The following STAT1 variants were observed in gnomAD, a reference collection of about 807,000 sequenced individuals.
The protein encoded by STAT1 is signal transducer and activator of transcription 1-alpha/beta.
STAT1 carries 24 observed loss-of-function variants against 111.7 expected under a neutral mutation model. The ratio of observed to expected loss-of-function variants is 0.21; its 90% CI spans 0.16 to 0.30. STAT1 has a LOEUF of 0.30. Ranked by LOEUF, STAT1 falls within the 10% of genes least tolerant of loss-of-function variation. The probability of loss-of-function intolerance (pLI) is 1.00; values close to 1 mark genes in which losing one functional copy is unlikely to be tolerated. For synonymous variants in STAT1, 332 were observed against 326.5 expected, an observed-to-expected ratio of 1.02 and a Z score of -0.18; for missense variants, 351 against 911.9, an observed-to-expected ratio of 0.38 and a Z score of 7.92.
intron 10 of STAT1, among the ~76,000 whole-genome samples, chr2:190,992,089 T>C (rs1052251441): frequency 3.9e-5 from 6 of 152,212 alleles, no homozygotes; most frequent in African/African-American, 7.2e-5. Context: ...TTTTGTTACA[T>C]AGTATGCAAC....
chr2:190,991,701 GTT>G (rs765208223), intron 10 of STAT1, among the ~76,000 whole-genome samples: 1 of 122,830 alleles, frequency 8.1e-6, no homozygotes. Flanking sequence ...TTTACAATTT[GTT>G]TTTTTTTTTT....
In STAT1 at chr2:191,007,558, A is replaced by C; in HGVS notation, c.372+5T>G. 6.2e-7 allele frequency: 1 copy of C among 1,605,160 alleles called. No individual in the cohort carries two copies. Among genetic ancestry groups the C allele is most frequent in the Non-Finnish European group, 8.5e-7 (1 of 1,172,248 alleles). ...CAGTTTATGTGTTCAATGAGAAAAA[A>C]GTACCTGATTAAATCTCTGGGCGTT... On this transcript the variant is annotated splice_donor_5th_base_variant and intron_variant, in intron 5 of 24. Transcript: ENST00000361099. This position sits in a 1 kb window ranked among gnomAD's most constrained non-coding sequence, Gnocchi z 4.2.
At position 190,973,296 on chromosome 2, in the gene STAT1, ATTC is replaced by A. The variant is rs1282869828; in HGVS notation, c.2238+1531_2238+1533del. 6.6e-6 allele frequency among the ~76,000 whole-genome samples: 1 copy of A among 152,204 alleles called. No individual in the cohort carries two copies. ...AGAGACTCACTAGGTAGATTCAAATATTCTTTCTACCATTTACTAACTGCTTGA... is the reference window on the plus strand; with the variant it reads ...AGAGACTCACTAGGTAGATTCAAATATTTCTACCATTTACTAACTGCTTGA... On this transcript the variant is annotated intron_variant, in intron 24 of 24. Coordinates refer to ENST00000361099, the MANE Select transcript of STAT1 (RefSeq NM_007315.4). The surrounding 1 kb of genome is among the most constrained non-coding windows in gnomAD (Gnocchi z 4.4).
rs1691627099 is a variant in STAT1 at position 190,973,061 on chromosome 2, T to G, written c.2238+1769A>C. Reference sequence around the variant, plus strand: ...AGAGAGGGAACCAATCCATCTATTTTCTCAATAATGGTGATGACAGAGATG... The same window carrying G: ...AGAGAGGGAACCAATCCATCTATTTGCTCAATAATGGTGATGACAGAGATG... On this transcript the variant is annotated intron_variant, in intron 24 of 24. Transcript: ENST00000361099. This position sits in a 1 kb window ranked among gnomAD's most constrained non-coding sequence, Gnocchi z 4.4. Among the ~76,000 whole-genome samples, 1 of 152,084 alleles carries G rather than the reference T, an allele frequency of 6.6e-6. No homozygotes were observed. Among genetic ancestry groups the G allele is most frequent in the Non-Finnish European group, 1.5e-5 (1 of 68,012 alleles).
Position 190,990,539 on chromosome 2 carries a change from T to C in STAT1, c.1037+689A>G, listed in dbSNP as rs1336408841. On this transcript the variant is annotated intron_variant, in intron 11 of 24. Transcript: ENST00000361099. The surrounding 1 kb of genome is among the most constrained non-coding windows in gnomAD (Gnocchi z 5.1). ...TACAATTAGTATCGAGGAGAAAGAC[T>C]ACAAAACAATGTATGTAGCCTACTC... 6.6e-6 allele frequency among the ~76,000 whole-genome samples: 1 copy of C among 152,224 alleles called. No individual in the cohort carries two copies. The highest frequency in any genetic ancestry group is 2.4e-5 in the African/African-American group (1 of 41,448).
chr2:190,984,462 A>G lies in STAT1; in HGVS notation c.1264-69T>C. ...AGATCCTAAAACTTTCAAAAGCCCA[A>G]TTAACATTGCAACAGGCCACAGAGA... On this transcript the variant is annotated intron_variant, in intron 15 of 24. Coordinates refer to ENST00000361099, the MANE Select transcript of STAT1 (RefSeq NM_007315.4). This position sits in a 1 kb window ranked among gnomAD's most constrained non-coding sequence, Gnocchi z 5.2. The G allele has an allele frequency of 1.4e-6, 2 of 1,379,470 alleles. No individual in the cohort carries two copies. The highest frequency in any genetic ancestry group is 2.0e-6 in the Non-Finnish European group (2 of 975,636). 85.5% of individuals were successfully genotyped at this position (1,379,470 alleles called of 1,614,324 possible).
intron 15 of STAT1, among the ~76,000 whole-genome samples, chr2:190,985,166 G>C (rs781398376): frequency 6.6e-6 from 1 of 152,198 alleles, no homozygotes; most frequent in Non-Finnish European, 1.5e-5. Context: ...TAAGGATCAC[G>C]CTGTAGGAAG....
rs1028090653 is a variant in STAT1 at position 190,970,618 on chromosome 2, C to A, written c.*85G>T. ...CCTTTCTTTCATTTCCCTAGAAACA[C>A]AGGATGTGAAGGAACAGAGTAGCAG... On this transcript the variant is annotated 3_prime_UTR_variant, in exon 25 of 25. Transcript: ENST00000361099. The surrounding 1 kb of genome is among the most constrained non-coding windows in gnomAD (Gnocchi z 5.4). The A allele has an allele frequency of 4.1e-6, 6 of 1,464,528 alleles. No individual in the cohort carries two copies. The African/African-American group carries it at 8.4e-5, about 20-fold the overall frequency. The allele number at this position is 1,464,528 out of a possible 1,614,324, so 90.7% of individuals were successfully genotyped here.
In STAT1 at chr2:190,974,066, T is replaced by G. The variant is rs576540689; in HGVS notation, c.2238+764A>C. On this transcript the variant is annotated intron_variant, in intron 24 of 24. Coordinates refer to ENST00000361099, the MANE Select transcript of STAT1 (RefSeq NM_007315.4). This position sits in a 1 kb window ranked among gnomAD's most constrained non-coding sequence, Gnocchi z 4.8. ...TATTTTTTGGAAGCATTAAATAAATTTTTAAAAATGAGCTGGAATAGCTCC... is the reference window on the plus strand; with the variant it reads ...TATTTTTTGGAAGCATTAAATAAATGTTTAAAAATGAGCTGGAATAGCTCC... Among the ~76,000 whole-genome samples the G allele has an allele frequency of 4.7e-4, 72 of 152,282 alleles. No individual in the cohort carries two copies. Among genetic ancestry groups the G allele is most frequent in the Middle Eastern group, 6.8e-3 (2 of 294 alleles).
Position 190,973,598 on chromosome 2 carries a change from G to C in STAT1, c.2238+1232C>G, listed in dbSNP as rs905182318. ...GTGATGTAACATATTTTCTGAATAG[G>C]GCTTTATATTTATTCCATTTTTGTG... On this transcript the variant is annotated intron_variant, in intron 24 of 24. Coordinates refer to ENST00000361099, the MANE Select transcript of STAT1 (RefSeq NM_007315.4). This position sits in a 1 kb window ranked among gnomAD's most constrained non-coding sequence, Gnocchi z 4.4. Among the ~76,000 whole-genome samples, 5 of 151,990 alleles carry C rather than the reference G, an allele frequency of 3.3e-5. No individual in the cohort carries two copies. In the South Asian group the frequency reaches 8.3e-4, roughly 25 times the overall value.
chr2:190,985,250 A>G (rs1041349277), intron 15 of STAT1, among the ~76,000 whole-genome samples: 8 of 152,234 alleles, frequency 5.3e-5, no homozygotes, highest in African/African-American at 1.9e-4. Flanking sequence ...ACAGCAAGGC[A>G]GTCATCAAAG....
rs1695305172 is a variant in STAT1 at position 191,013,568 on chromosome 2, G to A, written c.-45C>T. 1.5e-5 allele frequency: 6 copies of A among 398,460 alleles called. No homozygotes were observed. The highest frequency in any genetic ancestry group is 2.2e-5 in the Non-Finnish European group (5 of 226,062). The allele number at this position is 398,460 out of a possible 1,614,324, so 24.7% of individuals were successfully genotyped here. Reference sequence around the variant, plus strand: ...ACAAGGGCCTGGGGATTCAACCAAAGGAGCAGCTACGCACAGCACGTTAGG... The same window carrying A: ...ACAAGGGCCTGGGGATTCAACCAAAAGAGCAGCTACGCACAGCACGTTAGG... On this transcript the variant is annotated 5_prime_UTR_variant, in exon 2 of 25. Transcript: ENST00000361099.
rs939274543 is a variant in STAT1 at position 190,990,079 on chromosome 2, G to C, written c.1038-405C>G. Among the ~76,000 whole-genome samples the C allele has an allele frequency of 1.4e-4, 22 of 152,138 alleles. No individual in the cohort carries two copies. The highest frequency in any genetic ancestry group is 5.1e-4 in the African/African-American group (21 of 41,418). ...CTTGTATCTAATCTTTGTCCTGTTG[G>C]GAGACAATAAAAACTATTGCCCATA... is the stretch of plus-strand genomic sequence containing the variant. On this transcript the variant is annotated intron_variant, in intron 11 of 24. Transcript: ENST00000361099. This position sits in a 1 kb window ranked among gnomAD's most constrained non-coding sequence, Gnocchi z 5.1.
rs1266357262 is a variant in STAT1, at chr2:190,989,557, T to G, written c.1097+58A>C. 4 of 1,131,400 alleles carry G rather than the reference T, an allele frequency of 3.5e-6. No homozygotes were observed. The highest frequency in any genetic ancestry group is 5.2e-6 in the Non-Finnish European group (4 of 771,142). The allele number at this position is 1,131,400 out of a possible 1,614,324, so 70.1% of individuals were successfully genotyped here. A position where few individuals can be genotyped will look rare whatever the true frequency, so the allele number is the denominator to read the frequency against. ...TTTAGTGGAGGAATCTGTGCTTGAG[T>G]AACAAAATCAACATTTCAATAGTAC... On this transcript the variant is annotated intron_variant, in intron 12 of 24. Coordinates refer to ENST00000361099, the MANE Select transcript of STAT1 (RefSeq NM_007315.4). This position sits in a 1 kb window ranked among gnomAD's most constrained non-coding sequence, Gnocchi z 5.0.
chr2:190,985,602 C>G lies in STAT1; in HGVS notation c.1263+17G>C, dbSNP rs1405470571. The G allele has an allele frequency of 3.7e-6, 6 of 1,614,186 alleles. No individual in the cohort carries two copies. Among genetic ancestry groups the G allele is most frequent in the Non-Finnish European group, 4.2e-6 (5 of 1,180,020 alleles). On this transcript the variant is annotated intron_variant, in intron 15 of 24. Coordinates refer to ENST00000361099, the MANE Select transcript of STAT1 (RefSeq NM_007315.4). ...CTGCCTGATTTGGGCCCATTCACAA[C>G]ATAAAGGGACTCTCACCTCATTCGT...
At position 190,977,434 on chromosome 2, in the gene STAT1, G is replaced by A. The variant is rs1350453123; in HGVS notation, c.1874-409C>T. On this transcript the variant is annotated intron_variant, in intron 21 of 24. Coordinates refer to ENST00000361099, the MANE Select transcript of STAT1 (RefSeq NM_007315.4). This position sits in a 1 kb window ranked among gnomAD's most constrained non-coding sequence, Gnocchi z 4.7. Reference sequence around the variant, plus strand: ...CTCACTTTGTTTTTCTTTTCATATTGAAAAATCTAATTTTTTATTAAAATA... The same window carrying A: ...CTCACTTTGTTTTTCTTTTCATATTAAAAAATCTAATTTTTTATTAAAATA... 6.6e-6 allele frequency among the ~76,000 whole-genome samples: 1 copy of A among 151,938 alleles called. No individual in the cohort carries two copies. The highest frequency in any genetic ancestry group is 2.4e-5 in the African/African-American group (1 of 41,358).
chr2:190,993,345 T>C lies in STAT1; in HGVS notation c.944+1716A>G, dbSNP rs899960382. On this transcript the variant is annotated intron_variant, in intron 10 of 24. Coordinates refer to ENST00000361099, the MANE Select transcript of STAT1 (RefSeq NM_007315.4). This position sits in a 1 kb window ranked among gnomAD's most constrained non-coding sequence, Gnocchi z 4.1. ...CCTCTGTAATAACTGGAGATGACTG[T>C]TCGAAACCTTTCCTGTTCTGCTGTG... 8 of 980,652 alleles carry C rather than the reference T, an allele frequency of 8.2e-6. No individual in the cohort carries two copies. The African/African-American group carries it at 1.3e-4, about 16-fold the overall frequency. The allele number at this position is 980,652 out of a possible 1,614,324, so 60.7% of individuals were successfully genotyped here. A position where few individuals can be genotyped will look rare whatever the true frequency, so the allele number is the denominator to read the frequency against.
In STAT1 at chr2:190,980,615, C is replaced by T. The variant is rs761686482; in HGVS notation, c.1632+5G>A. ...TAGAGAGCATAAAACCCAGACAGTC[C>T]TCACCTTACAAAACCTCGTCCACGG... On this transcript the variant is annotated splice_donor_5th_base_variant and intron_variant, in intron 19 of 24. Coordinates refer to ENST00000361099, the MANE Select transcript of STAT1 (RefSeq NM_007315.4). The surrounding 1 kb of genome is among the most constrained non-coding windows in gnomAD (Gnocchi z 6.1). 4.7e-5 allele frequency: 76 copies of T among 1,614,048 alleles called. No homozygotes were observed. The highest frequency in any genetic ancestry group is 5.7e-5 in the Non-Finnish European group (67 of 1,180,030).
chr2:191,002,283 T>C (rs1300584147), intron 5 of STAT1, among the ~76,000 whole-genome samples: 1 of 152,216 alleles, frequency 6.6e-6, no homozygotes, highest in Admixed American at 6.5e-5. Context: ...TCCATTATTT[T>C]CCCCAGTGCT....
Sources: allele counts gnomAD v4.1 joint callset (sites outside exome capture counted in the v4.1 genomes callset), GRCh38; gene constraint gnomAD v4.1.1; non-coding constraint Gnocchi (gnomAD v3.1); transcripts MANE v1.5; gene names NCBI Gene and HGNC (gene_info 2026-07-23, HGNC 2026-07-21).